Variants in SSH3 observed in about 807,000 individuals in gnomAD.
SSH3 encodes the protein protein phosphatase Slingshot homolog 3.
In SSH3, 67 loss-of-function variants were observed where a neutral mutation model predicts 75.0. The ratio of observed to expected loss-of-function variants is 0.89; its 90% CI spans 0.73 to 1.10. SSH3 has a LOEUF of 1.10. Among genes scored for constraint, SSH3 ranks in the 50% least tolerant of loss-of-function variants. SSH3 has a pLI of 0.00. For synonymous variants in SSH3, 318 were observed against 349.2 expected (o/e 0.91, Z 1.00); for missense variants, 824 against 872.7 (o/e 0.94, Z 0.70).
At position 67,310,294 on chromosome 11, in the gene SSH3, C is replaced by G. The variant is rs374208723; in HGVS notation, c.1638C>G (p.Pro546=). The stretch of plus-strand genomic sequence containing the variant: ...TGAGGTCCATCAGTCTTCTGGAGCC[C>G]TCCTTGGAGCTGGAGAGCACCTCAG... ...GVMRSISLLE[P]SLELESTSET... The change falls in exon 13 of 14, where the codon CCC becomes CCG. Residue 546 remains proline, a synonymous_variant. Transcript: ENST00000308127. The G allele has an allele frequency of 1.2e-6, 2 of 1,613,966 alleles. No individual in the cohort carries two copies. The highest frequency in any genetic ancestry group is 1.7e-6 in the Non-Finnish European group (2 of 1,179,888).
intron 3 of SSH3, 29 bp downstream of exon 3, chr11:67,305,036 TG>T (rs1173841333): frequency 6.5e-7 from 1 of 1,537,500 alleles, no homozygotes; most frequent in Non-Finnish European, 8.9e-7. Flanking sequence ...CTCCGGGGGG[TG>T]GGGGGAAGAG....
chr11:67,306,713 C>T, intron 3 of SSH3, 125 bp from the exon 4 acceptor site: 2 of 1,168,740 alleles, frequency 1.7e-6, no homozygotes, highest in Non-Finnish European at 1.2e-6. Context: ...ACTGATTTTA[C>T]ATCTGGGAAG....
intron 2 of SSH3, among the ~76,000 whole-genome samples, chr11:67,304,452 G>T (rs1215453012): frequency 1.3e-5 from 2 of 152,236 alleles, no homozygotes; most frequent in Non-Finnish European, 2.9e-5. Flanking sequence ...AGGACTCCTG[G>T]GTCCCCGACC....
rs1225323331 is a variant in SSH3 at position 67,308,142 on chromosome 11, C to T, written c.886-32C>T. 6.2e-7 allele frequency: 1 copy of T among 1,604,746 alleles called. No homozygotes were observed. The highest frequency in any genetic ancestry group is 8.5e-7 in the Non-Finnish European group (1 of 1,175,722). ...TGGCAGGTTGGGCACTAGGAGAGCC[C>T]CAGCCTCTCTTGCCCTGGGCTCTGC... On this transcript the variant is annotated intron_variant, in intron 8 of 13. Transcript: ENST00000308127. This position sits in a 1 kb window ranked among gnomAD's most constrained non-coding sequence, Gnocchi z 4.9.
chr11:67,304,275 C>T, intron 2 of SSH3, 120 bp downstream of exon 2: 1 of 802,840 alleles, frequency 1.2e-6, no homozygotes, highest in Non-Finnish European at 1.9e-6. Context: ...AGCCCACTGC[C>T]AAATTTGTGG....
chr11:67,303,886 G>A, intron 1 of SSH3, 195 bp downstream of exon 1: 1 of 749,324 alleles, frequency 1.3e-6, no homozygotes, highest in Admixed American at 3.9e-5. Context: ...CGCGCCGCCC[G>A]GGCTGCGGAG....
rs1282030249 is a variant in SSH3 at position 67,307,315 on chromosome 11, G to A, written c.537-56G>A. On this transcript the variant is annotated intron_variant, in intron 5 of 13. Transcript: ENST00000308127. The surrounding 1 kb of genome is among the most constrained non-coding windows in gnomAD (Gnocchi z 4.2). ...GGCTTCCCGTATCCAGCAAAAGGAT[G>A]GGTTCTCTGTCGCAGAGCCTGGAGT... 3 of 1,607,846 alleles carry A rather than the reference G, an allele frequency of 1.9e-6. No homozygotes were observed. The highest frequency in any genetic ancestry group is 2.5e-6 in the Non-Finnish European group (3 of 1,177,866).
rs1590888156 is a variant in SSH3 at position 67,309,944 on chromosome 11, T to A, written c.1385T>A (p.Ile462Asn). The A allele has an allele frequency of 6.2e-7, 1 of 1,610,518 alleles. No homozygotes were observed. Among genetic ancestry groups the A allele is most frequent in the East Asian group, 2.2e-5 (1 of 44,884 alleles). The change falls in exon 12 of 14, where the codon ATC (isoleucine) becomes AAC (asparagine). Residue 462 changes from isoleucine to asparagine, a missense_variant. Physicochemically the swap from Ile to Asn is moderately radical, Grantham distance 149. Transcript: ENST00000308127. ...PNPGFLRQLQIYQGILTASRQ... is the reference protein window; with the variant it reads ...PNPGFLRQLQNYQGILTASRQ... ...CCTGGCTTCCTGCGCCAGCTGCAGA[T>A]CTACCAGGGCATCCTGACGGCCAGG...
At position 67,312,035 on chromosome 11, in the gene SSH3, G is replaced by GC; in HGVS notation, c.*150dup. 9.4e-7 allele frequency: 1 copy of GC among 1,067,438 alleles called. No individual in the cohort carries two copies. The highest frequency in any genetic ancestry group is 2.6e-5 in the East Asian group (1 of 38,054). 66.1% of individuals were successfully genotyped at this position (1,067,438 alleles called of 1,614,324 possible). ...CTCACCTCCCACCCCTGTCACTACG[G>GC]CCTCACCTCCCACCCCTGTCACTAC... On this transcript the variant is annotated 3_prime_UTR_variant, in exon 14 of 14. Coordinates refer to ENST00000308127, the MANE Select transcript of SSH3 (RefSeq NM_017857.4).
intron 3 of SSH3, among the ~76,000 whole-genome samples, 187 bp downstream of exon 3, chr11:67,305,194 G>GA (rs1861200955): frequency 6.7e-6 from 1 of 149,170 alleles, no homozygotes; most frequent in Admixed American, 6.7e-5. Context: ...TTTTTTGTTT[G>GA]TTTTTTTTTT....
rs758743791 is a variant in SSH3 at position 67,308,331 on chromosome 11, G to A, written c.1014+29G>A. 14 of 1,613,652 alleles carry A rather than the reference G, an allele frequency of 8.7e-6. No individual in the cohort carries two copies. Among genetic ancestry groups the A allele is most frequent in the South Asian group, 4.4e-5 (4 of 91,076 alleles). On this transcript the variant is annotated intron_variant, in intron 9 of 13. Coordinates refer to ENST00000308127, the MANE Select transcript of SSH3 (RefSeq NM_017857.4). The surrounding 1 kb of genome is among the most constrained non-coding windows in gnomAD (Gnocchi z 4.9). ...AGCTTCAGCCAGGCCTGGGCCATGG[G>A]GACCGCTGGCAGCTGTGAGGGCGGC...
At position 67,307,645 on chromosome 11, in the gene SSH3, G is replaced by C. The variant is rs761156186; in HGVS notation, c.699G>C (p.Gln233His). The C allele has an allele frequency of 6.2e-7, 1 of 1,613,960 alleles. No individual in the cohort carries two copies. The highest frequency in any genetic ancestry group is 1.7e-5 in the Admixed American group (1 of 60,014). Reference protein sequence around the residue: ...GSALTWASHYQERLNSEQSCL... With the variant: ...GSALTWASHYHERLNSEQSCL... The stretch of plus-strand genomic sequence containing the variant: ...CCCTCACCTGGGCCAGCCACTACCA[G>C]GAGAGACTGAACTCCGAACAGAGCT... The change falls in exon 7 of 14, where the codon CAG becomes CAC. Residue 233 changes from glutamine (Q) to histidine (H), a missense_variant. Physicochemically the swap from Gln to His is conservative, Grantham distance 24. Transcript: ENST00000308127. This position sits in a 1 kb window ranked among gnomAD's most constrained non-coding sequence, Gnocchi z 4.2.
At chr11:67,305,137 G>A (rs979704923) in intron 3 of SSH3, 130 bp downstream of exon 3, 2 of 840,114 alleles carry the variant, frequency 2.4e-6, no homozygotes, top group Non-Finnish European at 3.7e-6. Flanking sequence ...GAGTGTTGGG[G>A]TTACCCATAT....
At chr11:67,309,611 C>G in intron 11 of SSH3, 68 bp downstream of exon 11, 1 of 1,586,208 alleles carries the variant, frequency 6.3e-7, no homozygotes, top group South Asian at 1.1e-5. Flanking sequence ...CTCCTCCTGC[C>G]CACTCTGCCA....
Position 67,311,879 on chromosome 11 carries a change from G to A in SSH3, c.1972G>A (p.Glu658Lys), listed in dbSNP as rs78494651. 1.2e-5 allele frequency: 20 copies of A among 1,610,928 alleles called. No individual in the cohort carries two copies. Among genetic ancestry groups the A allele is most frequent in the East Asian group, 8.9e-5 (4 of 44,876 alleles). ...CGTGCATGACAGTGGAGAGGAGGGC[G>A]AGGCCTGAGCCCTCACACATGCCCA... ...ASVHDSGEEG[E>K]A Residue 658 changes from glutamate to lysine, a missense_variant, in exon 14 of 14, where the codon GAG (glutamate) becomes AAG (lysine). Coordinates refer to ENST00000308127, the MANE Select transcript of SSH3 (RefSeq NM_017857.4).
Position 67,308,456 on chromosome 11 carries a change from C to G in SSH3, c.1059C>G (p.Asn353Lys), listed in dbSNP as rs939724808. Reference protein sequence around the residue: ...NAANLEELQRNRVTHILNMAR... With the variant: ...NAANLEELQRKRVTHILNMAR... Reference sequence around the variant, plus strand: ...CAAACCTGGAGGAGCTGCAGAGGAACAGGTAGGGCTATGAGCCCCTCGGGC... The same window carrying G: ...CAAACCTGGAGGAGCTGCAGAGGAAGAGGTAGGGCTATGAGCCCCTCGGGC... The change falls in exon 10 of 14, where the codon AAC becomes AAG. Residue 353 changes from asparagine (N) to lysine (K), a missense_variant and splice_region_variant. Coordinates refer to ENST00000308127, the MANE Select transcript of SSH3 (RefSeq NM_017857.4). The surrounding 1 kb of genome is among the most constrained non-coding windows in gnomAD (Gnocchi z 4.9). 1.3e-6 allele frequency: 2 copies of G among 1,592,030 alleles called. No homozygotes were observed. Among genetic ancestry groups the G allele is most frequent in the African/African-American group, 2.7e-5 (2 of 74,380 alleles).
rs370744625 is a variant in SSH3, at chr11:67,307,386, G to A, written c.552G>A (p.Thr184=). 2.6e-4 allele frequency: 421 copies of A among 1,613,908 alleles called. No individual in the cohort carries two copies. Among genetic ancestry groups the A allele is most frequent in the Non-Finnish European group, 3.4e-4 (404 of 1,180,036 alleles). Residue 184 remains threonine, a synonymous_variant, in exon 6 of 14, where the codon ACG becomes ACA. Transcript: ENST00000308127. The surrounding 1 kb of genome is among the most constrained non-coding windows in gnomAD (Gnocchi z 4.2). The part of the protein sequence containing the change: ...YLDGDGGFSV[T]SGGQSRIFKP... ...TCTCCTGCAGGGGCTTCAGCGTGAC[G>A]TCTGGTGGGCAAAGCCGGATCTTCA...
At chr11:67,311,368 G>T (rs778446294) in intron 13 of SSH3, among the ~76,000 whole-genome samples, 5 of 152,160 alleles carry the variant, frequency 3.3e-5, no homozygotes, top group Admixed American at 2.6e-4. Context: ...AAGCAGGTAG[G>T]GTTCAAGGAG....
intron 3 of SSH3, among the ~76,000 whole-genome samples, chr11:67,305,590 T>C (rs1458655719): frequency 3.3e-5 from 5 of 152,056 alleles, no homozygotes; most frequent in Admixed American, 3.3e-4. Flanking sequence ...CCAAATTAGG[T>C]CCAAGGGGTG....
Sources: allele counts gnomAD v4.1 joint callset (sites outside exome capture counted in the v4.1 genomes callset), GRCh38; gene constraint gnomAD v4.1.1; non-coding constraint Gnocchi (gnomAD v3.1); transcripts MANE v1.5; gene names NCBI Gene and HGNC (gene_info 2026-07-23, HGNC 2026-07-21).